Variants in POMZP3 observed in about 807,000 individuals in gnomAD.
POMZP3 encodes POM121 and ZP3 fusion protein.
In POMZP3, 10 loss-of-function variants were observed where a neutral mutation model predicts 19.8. The ratio of observed to expected loss-of-function variants is 0.51; its 90% CI spans 0.31 to 0.86. The LOEUF (loss-of-function observed/expected upper bound fraction) is 0.86, where lower values mean the gene tolerates loss of function less well. Ranked by LOEUF, POMZP3 falls within the 40% of genes least tolerant of loss-of-function variation. The pLI is 0.04. For synonymous variants in POMZP3, 57 were observed against 85.8 expected (o/e 0.66, Z 1.85); for missense variants, 152 against 228.1 (o/e 0.67, Z 2.15).
intron 3 of POMZP3, among the ~76,000 whole-genome samples, chr7:76,625,128 A>G (rs1815802632): frequency 1.4e-5 from 1 of 73,216 alleles, no homozygotes; most frequent in Admixed American, 1.3e-4. Context: ...GACAGACTCC[A>G]ACTCAAAAAA....
chr7:76,625,391 A>T lies in POMZP3; in HGVS notation c.227+131T>A, dbSNP rs1815820401. 3 of 1,457,704 alleles carry T rather than the reference A, an allele frequency of 2.1e-6. No homozygotes were observed. The South Asian group carries it at 3.8e-5, about 18-fold the overall frequency. The allele number at this position is 1,457,704 out of a possible 1,614,324, so 90.3% of individuals were successfully genotyped here. A position where few individuals can be genotyped will look rare whatever the true frequency, so the allele number is the denominator to read the frequency against. On this transcript the variant is annotated intron_variant, in intron 3 of 6. Transcript: ENST00000310842. ...ACCCCTGTTATTAGGTTCTTTCATGAAAGCCAAAGAAGGAGGCCTATGAAG... is the reference window on the plus strand; with the variant it reads ...ACCCCTGTTATTAGGTTCTTTCATGTAAGCCAAAGAAGGAGGCCTATGAAG...
intron 3 of POMZP3, chr7:76,618,728 G>C (rs1192393144): frequency 5.8e-6 from 1 of 173,144 alleles, no homozygotes; most frequent in African/African-American, 2.4e-5. Flanking sequence ...TACAGACGAA[G>C]AAAGTTTCTG....
At chr7:76,624,255 T>C (rs1408090491) in intron 3 of POMZP3, among the ~76,000 whole-genome samples, 1 of 144,146 alleles carries the variant, frequency 6.9e-6, no homozygotes, top group East Asian at 2.0e-4. Flanking sequence ...GGGGATTATT[T>C]ATAAGATTTT....
At position 76,627,255 on chromosome 7, in the gene POMZP3, C is replaced by T. The variant is rs968960655; in HGVS notation, c.-699G>A. On this transcript the variant is annotated 5_prime_UTR_variant, in exon 1 of 7. Transcript: ENST00000310842. ...GCCGCCGCAGCCGCCGGAGACATCG[C>T]GGCTCCGCGCCGCGGAGGAGACTTA... is the stretch of plus-strand genomic sequence containing the variant. 303 of 1,365,674 alleles carry T rather than the reference C, an allele frequency of 2.2e-4. 50 individuals are homozygous for T. The East Asian group carries it at 7.1e-3, about 32-fold the overall frequency. 84.6% of individuals were successfully genotyped at this position (1,365,674 alleles called of 1,614,324 possible). A position where few individuals can be genotyped will look rare whatever the true frequency, so the allele number is the denominator to read the frequency against.
In POMZP3 at chr7:76,616,807, G is replaced by C. The variant is rs1171408733; in HGVS notation, c.345+1376C>G. Among the ~76,000 whole-genome samples, 9 of 93,946 alleles carry C rather than the reference G, an allele frequency of 9.6e-5. 2 individuals carry two copies. In the South Asian group the frequency reaches 2.6e-3, roughly 27 times the overall value. 61.6% of individuals were successfully genotyped at this position (93,946 alleles called of 152,430 possible). On this transcript the variant is annotated intron_variant, in intron 4 of 6. Coordinates refer to ENST00000310842, the MANE Select transcript of POMZP3 (RefSeq NM_012230.5). Reference sequence around the variant, plus strand: ...GGAGGTAGAGGTTGCAGTGAGCCGAGACTGTGCCATTGCATTCCAGCCTGG... The same window carrying C: ...GGAGGTAGAGGTTGCAGTGAGCCGACACTGTGCCATTGCATTCCAGCCTGG...
Position 76,627,264 on chromosome 7 carries a change from G to A in POMZP3, c.-708C>T, listed in dbSNP as rs1031978699. On this transcript the variant is annotated 5_prime_UTR_variant, in exon 1 of 7. Transcript: ENST00000310842. ...GCCGCCGGAGACATCGCGGCTCCGC[G>A]CCGCGGAGGAGACTTAAATATCCCA... 11 of 1,353,960 alleles carry A rather than the reference G, an allele frequency of 8.1e-6. No individual in the cohort carries two copies. Among genetic ancestry groups the A allele is most frequent in the African/African-American group, 7.7e-5 (5 of 65,296 alleles). 83.9% of individuals were successfully genotyped at this position (1,353,960 alleles called of 1,614,324 possible).
chr7:76,620,528 G>T (rs571003942), intron 3 of POMZP3, among the ~76,000 whole-genome samples: 4 of 150,218 alleles, frequency 2.7e-5, no homozygotes, highest in East Asian at 3.9e-4. Context: ...GAGTGCAATG[G>T]TATGATCCCG....
rs1363551113 is a variant in POMZP3, at chr7:76,626,007, A to G, written c.58T>C (p.Ser20Pro). 1 of 1,613,890 alleles carries G rather than the reference A, an allele frequency of 6.2e-7. No homozygotes were observed. The highest frequency in any genetic ancestry group is 1.7e-5 in the Admixed American group (1 of 60,016). Residue 20 changes from serine to proline, a missense_variant, in exon 2 of 7, where the codon TCT becomes CCT. Transcript: ENST00000310842. ...TCCAACGATAATACTCACATCGCAG[A>G]ACGCGAAAATCTTCTGTCAGGAGGG... Reference protein sequence around the residue: ...IAPPDRRFSRSAIPEQIISST... With the variant: ...IAPPDRRFSRPAIPEQIISST...
chr7:76,617,356 A>AC lies in POMZP3; in HGVS notation c.345+826dup, dbSNP rs1286051683. Among the ~76,000 whole-genome samples, 2 of 93,592 alleles carry AC rather than the reference A, an allele frequency of 2.1e-5. 1 individual carries two copies. The highest frequency in any genetic ancestry group is 4.4e-5 in the Non-Finnish European group (2 of 45,436). 61.4% of individuals were successfully genotyped at this position (93,592 alleles called of 152,430 possible). ...GCACTTCCTACTGCATCCCTCCCCC[A>AC]CCTCAGCCATTAGGCAGTTCCCATC... On this transcript the variant is annotated intron_variant, in intron 4 of 6. Transcript: ENST00000310842.
In POMZP3 at chr7:76,611,795, G is replaced by A. The variant is rs1815121121; in HGVS notation, c.364C>T (p.Leu122=). The A allele has an allele frequency of 6.3e-7, 1 of 1,580,284 alleles. No homozygotes were observed. The highest frequency in any genetic ancestry group is 8.6e-7 in the Non-Finnish European group (1 of 1,157,720). The change falls in exon 5 of 7, where the codon CTG becomes TTG. Residue 122 remains leucine (L), a synonymous_variant. Coordinates refer to ENST00000310842, the MANE Select transcript of POMZP3 (RefSeq NM_012230.5). ...TCCTGCTCAGCTAGGGTGACCTTCA[G>A]GTGGCAGGTGATGTATATCTGCAAG... ...SRNMIYITCH[L]KVTLAEQDPD...
At chr7:76,621,797 G>A (rs1272338680) in intron 3 of POMZP3, among the ~76,000 whole-genome samples, 6 of 151,534 alleles carry the variant, frequency 4.0e-5, no homozygotes, top group Non-Finnish European at 5.9e-5. Context: ...AAAAGTAGCC[G>A]GATATGGTGG....
At chr7:76,620,812 A>T in intron 3 of POMZP3, among the ~76,000 whole-genome samples, 1 of 149,282 alleles carries the variant, frequency 6.7e-6, no homozygotes, top group Non-Finnish European at 1.5e-5. Flanking sequence ...GGACTTACAT[A>T]AGATAATTAT....
At chr7:76,620,861 ATTTTTTTTTT>A (rs56084078) in intron 3 of POMZP3, among the ~76,000 whole-genome samples, 2 of 76,206 alleles carry the variant, frequency 2.6e-5, no homozygotes, top group Admixed American at 1.8e-4. Flanking sequence ...CTGTAAAGCC[ATTTTTTTTTT>A]TTTTTTTTTT....
chr7:76,625,608 TAC>T lies in POMZP3; in HGVS notation c.139_140del (p.Val47ThrfsTer22). 2 of 1,613,770 alleles carry T rather than the reference TAC, an allele frequency of 1.2e-6. No individual in the cohort carries two copies. The highest frequency in any genetic ancestry group is 1.7e-6 in the Non-Finnish European group (2 of 1,179,774). ...NAPDPCAKET[V>X]LSALKEKKKK... Reference sequence around the variant, plus strand: ...TCTTCTTCTCTTTGAGGGCACTCAGTACAGTCTCCTTTGCACATGGGTCTGGG... The same window carrying T: ...TCTTCTTCTCTTTGAGGGCACTCAGTAGTCTCCTTTGCACATGGGTCTGGG... On this transcript the variant is annotated frameshift_variant, in exon 3 of 7. Coordinates refer to ENST00000310842, the MANE Select transcript of POMZP3 (RefSeq NM_012230.5). LOFTEE classifies it high-confidence loss of function.
In POMZP3 at chr7:76,618,186, G is replaced by A. The variant is rs1249764459; in HGVS notation, c.342C>T (p.Asn114=). ...DVFHFANDSR[N]MIYITCHLKV... ...TTCAGGCTGTTAAAGCTCTTACCAT[G>A]TTTCTGGAGTCATTAGCAAAGTGGA... The change falls in exon 4 of 7, where the codon AAC becomes AAT. Residue 114 remains asparagine, a synonymous_variant. Transcript: ENST00000310842. 3 of 1,607,274 alleles carry A rather than the reference G, an allele frequency of 1.9e-6. No homozygotes were observed. The highest frequency in any genetic ancestry group is 2.6e-6 in the Non-Finnish European group (3 of 1,174,904).
At chr7:76,622,403 G>T (rs1815617300) in intron 3 of POMZP3, among the ~76,000 whole-genome samples, 1 of 112,624 alleles carries the variant, frequency 8.9e-6, no homozygotes, top group African/African-American at 3.8e-5. Context: ...TTTTGAGATG[G>T]AGTCTCGCTC....
At chr7:76,620,245 G>A (rs1362286536) in intron 3 of POMZP3, among the ~76,000 whole-genome samples, 3 of 85,364 alleles carry the variant, frequency 3.5e-5, no homozygotes, top group Admixed American at 1.1e-4. Flanking sequence ...GGAGAATGGC[G>A]CGAACCCGGG....
chr7:76,619,609 C>T (rs1815440846), intron 3 of POMZP3, among the ~76,000 whole-genome samples: 1 of 148,630 alleles, frequency 6.7e-6, no homozygotes. Flanking sequence ...TTTTTTGGAA[C>T]TCCTCAAAGG....
At chr7:76,613,585 T>A (rs1328286886) in intron 4 of POMZP3, among the ~76,000 whole-genome samples, 1 of 76,790 alleles carries the variant, frequency 1.3e-5, no homozygotes, top group Admixed American at 1.2e-4. Context: ...ACCTCCGAGG[T>A]TTAAGCGATT....
Sources: gnomAD v4.1 joint callset for allele counts (sites outside exome capture counted in the v4.1 genomes callset) on GRCh38, gnomAD v4.1.1 for gene constraint, MANE v1.5 for transcripts, NCBI Gene and HGNC (gene_info 2026-07-23, HGNC 2026-07-21) for gene names.